STYX: variants seen among roughly 807,000 people sequenced by gnomAD.
STYX encodes serine/threonine/tyrosine-interacting protein.
Under a neutral mutation model 42.7 loss-of-function variants are expected in STYX, and 20 were observed. The ratio of observed to expected loss-of-function variants is 0.47; its 90% confidence interval spans 0.33 to 0.68. The LOEUF is 0.68. STYX is among the 30% of genes least tolerant of loss of function. The probability of loss-of-function intolerance (pLI) is 0.02; values close to 1 mark genes in which losing one functional copy is unlikely to be tolerated. For synonymous variants in STYX, 78 were observed against 81.9 expected, an observed-to-expected ratio of 0.95 and a Z score of 0.26; for missense variants, 226 against 268.5, an observed-to-expected ratio of 0.84 and a Z score of 1.11.
chr14:52,741,204 A>G (rs1427881613), intron 1 of STYX, among the ~76,000 whole-genome samples: 1 of 145,100 alleles, frequency 6.9e-6, no homozygotes, highest in Non-Finnish European at 1.5e-5. Context: ...GTGTGGATAT[A>G]TGTTTTTATA....
chr14:52,760,175 C>G (rs978990504), intron 9 of STYX, among the ~76,000 whole-genome samples: 4 of 152,170 alleles, frequency 2.6e-5, no homozygotes, highest in Non-Finnish European at 5.9e-5. Flanking sequence ...GCACTCCAGC[C>G]TGGCCCACAG....
chr14:52,745,459 C>A (rs1225948263), intron 2 of STYX, among the ~76,000 whole-genome samples: 1 of 152,138 alleles, frequency 6.6e-6, no homozygotes, highest in Non-Finnish European at 1.5e-5. Context: ...TTTTTCCTCA[C>A]GTGAAAAATT....
intron 3 of STYX, 106 bp downstream of exon 3, chr14:52,746,585 C>G (rs979954464): frequency 7.6e-6 from 7 of 924,000 alleles, no homozygotes; most frequent in Non-Finnish European, 1.1e-5. Context: ...TCCACAAATA[C>G]TGTCTGTTAA....
intron 4 of STYX, 118 bp from the exon 5 acceptor site, chr14:52,756,433 T>A (rs1371275438): frequency 1.4e-5 from 9 of 623,038 alleles, no homozygotes; most frequent in Non-Finnish European, 2.3e-5. Context: ...GGGAATATGA[T>A]ACTTTGAAAG....
intron 4 of STYX, among the ~76,000 whole-genome samples, chr14:52,756,287 T>C (rs1291314662): frequency 1.3e-5 from 2 of 152,198 alleles, no homozygotes; most frequent in African/African-American, 2.4e-5. Flanking sequence ...AAAGAGTTTC[T>C]TTTTGCTGGG....
At chr14:52,732,081 T>G (rs1880732387) in intron 1 of STYX, among the ~76,000 whole-genome samples, 1 of 145,954 alleles carries the variant, frequency 6.9e-6, no homozygotes, top group Non-Finnish European at 1.5e-5. Flanking sequence ...GGCCCAAGAA[T>G]ATACTCATGG....
chr14:52,766,766 C>G (rs1882316938), intron 9 of STYX, among the ~76,000 whole-genome samples: 1 of 151,538 alleles, frequency 6.6e-6, no homozygotes, highest in African/African-American at 2.4e-5. Flanking sequence ...TTAGTATACC[C>G]CTTACCCCGG....
chr14:52,755,463 T>G (rs1881825924), intron 4 of STYX, among the ~76,000 whole-genome samples: 1 of 152,180 alleles, frequency 6.6e-6, no homozygotes, highest in South Asian at 2.1e-4. Flanking sequence ...TTTGAAGTTG[T>G]TACCACCTAA....
rs12886491 is a variant in STYX, at chr14:52,741,076, C to T, written c.58-3776C>T. On this transcript the variant is annotated intron_variant, in intron 1 of 10. Transcript: ENST00000354586. ...ATCCATGTTGTTGTGTTTATGAGTACTTCGTAGACTTTTATCCCTGAGTAC... is the reference window on the plus strand; with the variant it reads ...ATCCATGTTGTTGTGTTTATGAGTATTTCGTAGACTTTTATCCCTGAGTAC... Among the ~76,000 whole-genome samples, 712 of 152,170 alleles carry T rather than the reference C, an allele frequency of 4.7e-3. 3 individuals carry two copies. Among genetic ancestry groups the T allele is most frequent in the Non-Finnish European group, 6.3e-3 (429 of 68,008 alleles).
chr14:52,732,102 T>TG (rs1880738043), intron 1 of STYX, among the ~76,000 whole-genome samples: 3 of 149,270 alleles, frequency 2.0e-5, no homozygotes, highest in Non-Finnish European at 3.0e-5. Context: ...TTTTTTTTTT[T>TG]TTTTTTTTTT....
intron 1 of STYX, among the ~76,000 whole-genome samples, chr14:52,731,039 T>C (rs1389429458): frequency 6.6e-6 from 1 of 152,224 alleles, no homozygotes; most frequent in African/African-American, 2.4e-5. Flanking sequence ...AGCTAGCTCA[T>C]CTTAATCTGA....
chr14:52,741,375 A>G (rs1056552845), intron 1 of STYX, among the ~76,000 whole-genome samples: 10 of 151,888 alleles, frequency 6.6e-5, no homozygotes, highest in African/African-American at 2.4e-4. Flanking sequence ...GGTGTTGTCA[A>G]TTTTTTTAAC....
rs942507888 is a variant in STYX, at chr14:52,731,950, T to G, written c.57+1419T>G. Among the ~76,000 whole-genome samples, 9 of 18,300 alleles carry G rather than the reference T, an allele frequency of 4.9e-4. No homozygotes were observed. In the Middle Eastern group the frequency reaches 0.062, roughly 127 times the overall value. The allele number at this position is 18,300 out of a possible 152,430, so 12.0% of individuals were successfully genotyped here. A position where few individuals can be genotyped will look rare whatever the true frequency, so the allele number is the denominator to read the frequency against. On this transcript the variant is annotated intron_variant, in intron 1 of 10. Coordinates refer to ENST00000354586, the MANE Select transcript of STYX (RefSeq NM_145251.4). ...TGGGACCATGCCGGGCTAATTTTTC[T>G]TTTTTTTTTTTTTTGTAGCGATGGG...
intron 8 of STYX, among the ~76,000 whole-genome samples, chr14:52,758,953 G>A (rs1435573190): frequency 2.0e-5 from 3 of 151,948 alleles, no homozygotes; most frequent in Admixed American, 1.3e-4. Context: ...TTATTATTTC[G>A]AATTTTGTCA....
chr14:52,761,094 C>T (rs1010135529), intron 9 of STYX, among the ~76,000 whole-genome samples: 2 of 151,950 alleles, frequency 1.3e-5, no homozygotes, highest in Admixed American at 6.6e-5. Flanking sequence ...TTAGGGAGGC[C>T]GAGGTGAGTG....
intron 10 of STYX, 135 bp downstream of exon 10, chr14:52,769,068 C>T (rs1021119375): frequency 3.3e-6 from 2 of 612,972 alleles, no homozygotes; most frequent in African/African-American, 3.8e-5. Flanking sequence ...CAGAAGGATT[C>T]ATTTTATAAT....
chr14:52,767,886 CCTTTA>C (rs1363111340), intron 9 of STYX, among the ~76,000 whole-genome samples: 4 of 152,168 alleles, frequency 2.6e-5, no homozygotes, highest in African/African-American at 4.8e-5. Flanking sequence ...GCTGATTTAG[CCTTTA>C]CTTTTAGCTA....
At chr14:52,742,044 C>T (rs896166982) in intron 1 of STYX, among the ~76,000 whole-genome samples, 2 of 152,082 alleles carry the variant, frequency 1.3e-5, no homozygotes, top group Non-Finnish European at 2.9e-5. Context: ...TTTGCTTCTT[C>T]CAGGAATCCA....
intron 4 of STYX, among the ~76,000 whole-genome samples, chr14:52,753,740 T>C (rs1881727878): frequency 6.6e-6 from 1 of 152,054 alleles, no homozygotes; most frequent in Admixed American, 6.6e-5. Context: ...TACCTTATTT[T>C]TTGTTAATGT....
Sources: gnomAD v4.1 joint callset for allele counts (sites outside exome capture counted in the v4.1 genomes callset) on GRCh38, gnomAD v4.1.1 for gene constraint, MANE v1.5 for transcripts, NCBI Gene and HGNC (gene_info 2026-07-23, HGNC 2026-07-21) for gene names.